BRF1: variants seen among roughly 807,000 people sequenced by gnomAD.
BRF1 encodes transcription factor IIIB 90 kDa subunit.
BRF1 carries 59 observed loss-of-function variants against 81.7 expected under a neutral mutation model. The ratio of observed to expected loss-of-function variants is 0.72; its 90% CI spans 0.59 to 0.90. The LOEUF (loss-of-function observed/expected upper bound fraction) is 0.90. Ranked by LOEUF, BRF1 falls within the 40% of genes least tolerant of loss-of-function variation. The pLI is 0.00. For missense variants in BRF1, 1,050 were observed against 936.3 expected, an observed-to-expected ratio of 1.12 and a Z score of -1.58; for synonymous variants, 491 against 395.6, an observed-to-expected ratio of 1.24 and a Z score of -2.86.
Position 105,300,744 on chromosome 14 carries a change from G to C in BRF1, c.-115C>G. On this transcript the variant is annotated 5_prime_UTR_variant, in exon 1 of 18. Transcript: ENST00000547530. ...CAGCCGCCCAGGCCTCGCCGCTCTCGCGAGGCCCCGCTCCAGCCGATTCGC... is the reference window on the plus strand; with the variant it reads ...CAGCCGCCCAGGCCTCGCCGCTCTCCCGAGGCCCCGCTCCAGCCGATTCGC... The C allele has an allele frequency of 1.2e-6, 1 of 805,014 alleles. No individual in the cohort carries two copies. The highest frequency in any genetic ancestry group is 1.6e-6 in the Non-Finnish European group (1 of 611,916). 49.9% of individuals were successfully genotyped at this position (805,014 alleles called of 1,614,324 possible). A position where few individuals can be genotyped will look rare whatever the true frequency, so the allele number is the denominator to read the frequency against.
intron 1 of BRF1, among the ~76,000 whole-genome samples, chr14:105,291,863 T>C (rs1797270051): frequency 6.6e-6 from 1 of 152,022 alleles, no homozygotes. Flanking sequence ...CCGGGCATGG[T>C]GGCACATGCC....
chr14:105,280,058 C>T (rs1317623119), intron 2 of BRF1, among the ~76,000 whole-genome samples: 1 of 152,224 alleles, frequency 6.6e-6, no homozygotes, highest in African/African-American at 2.4e-5. Flanking sequence ...CATACTCTCA[C>T]CACACCACCC....
At chr14:105,221,384 CCT>C (rs773840875) in intron 11 of BRF1, among the ~76,000 whole-genome samples, 11 of 152,340 alleles carry the variant, frequency 7.2e-5, no homozygotes, top group Admixed American at 2.0e-4. Flanking sequence ...CTCCGTGGCC[CCT>C]GTGACCTGAA....
intron 1 of BRF1, among the ~76,000 whole-genome samples, chr14:105,312,202 C>A (rs1386927946): frequency 6.6e-6 from 1 of 152,228 alleles, no homozygotes; most frequent in African/African-American, 2.4e-5. Context: ...GGTGGAGGGA[C>A]CTAGCGAAGC....
At chr14:105,273,391 C>T (rs587685515) in intron 2 of BRF1, among the ~76,000 whole-genome samples, 45 of 152,358 alleles carry the variant, frequency 3.0e-4, no homozygotes, top group African/African-American at 9.9e-4. Flanking sequence ...AGCCTCTCCT[C>T]TAAGAGCCAG....
rs1323694541 is a variant in BRF1, at chr14:105,252,568, G to A, written c.483C>T (p.Tyr161=). Residue 161 remains tyrosine, a synonymous_variant, in exon 5 of 18, where the codon TAC becomes TAT. Transcript: ENST00000547530. ...DLSDLLQVNV[Y]VLGKTFLLLA... ...AGAGAAGAAACGTCTTTCCAAGCAC[G>A]TACACATTCACCTGAGATGGAGAGA... 6 of 1,613,534 alleles carry A rather than the reference G, an allele frequency of 3.7e-6. No homozygotes were observed. Among genetic ancestry groups the A allele is most frequent in the African/African-American group, 2.7e-5 (2 of 74,912 alleles).
At chr14:105,245,650 T>C (rs2055041413) in intron 5 of BRF1, among the ~76,000 whole-genome samples, 1 of 151,764 alleles carries the variant, frequency 6.6e-6, no homozygotes. Context: ...TCAACAAGGG[T>C]GACAAGAACT....
At chr14:105,248,834 A>C in intron 5 of BRF1, 1 of 987,996 alleles carries the variant, frequency 1.0e-6, no homozygotes, top group Non-Finnish European at 1.2e-6. Flanking sequence ...CGGCGTCCAC[A>C]GGCGCCGAGG....
In BRF1 at chr14:105,241,211, G is replaced by A. The variant is rs587654140; in HGVS notation, c.694+54C>T. The A allele has an allele frequency of 1.4e-5, 22 of 1,594,728 alleles. No homozygotes were observed. The East Asian group carries it at 4.9e-4, about 36-fold the overall frequency. The stretch of plus-strand genomic sequence containing the variant: ...CCACCAGCACTCAGGAGTCAGGAAA[G>A]TGTGAGGCCAGGACCCAGACCAGCA... On this transcript the variant is annotated intron_variant, in intron 6 of 17. Coordinates refer to ENST00000547530, the MANE Select transcript of BRF1 (RefSeq NM_001519.4).
rs1366935299 is a variant in BRF1, at chr14:105,300,471, G to C, written c.159C>G (p.Ala53=). 3.9e-6 allele frequency: 6 copies of C among 1,533,318 alleles called. No individual in the cohort carries two copies. In the South Asian group the frequency reaches 7.2e-5, roughly 19 times the overall value. 95.0% of individuals were successfully genotyped at this position (1,533,318 alleles called of 1,614,324 possible). A position where few individuals can be genotyped will look rare whatever the true frequency, so the allele number is the denominator to read the frequency against. ...FVESSGGGSS[A]VGQFVSLDGA... The stretch of plus-strand genomic sequence containing the variant: ...CGTCCAGGGACACGAACTGGCCCAC[G>C]GCCGAGGAGCCGCCGCCGCTGCTCT... The change falls in exon 1 of 18, where the codon GCC becomes GCG. Residue 53 remains alanine (A), a synonymous_variant. Transcript: ENST00000547530.
rs147002865 is a variant in BRF1, at chr14:105,259,487, A to T, written c.440-2938T>A. ...TGTCCACAAAAAAACTTGTAGAAAA[A>T]TGTTCATAGCAGCTTCATTCAGAAC... On this transcript the variant is annotated intron_variant, in intron 3 of 17. Coordinates refer to ENST00000547530, the MANE Select transcript of BRF1 (RefSeq NM_001519.4). Among the ~76,000 whole-genome samples, 627 of 152,312 alleles carry T rather than the reference A, an allele frequency of 4.1e-3. 3 individuals carry two copies. Among genetic ancestry groups the T allele is most frequent in the African/African-American group, 0.014 (570 of 41,568 alleles).
At chr14:105,290,959 T>C (rs995530361) in intron 1 of BRF1, among the ~76,000 whole-genome samples, 1 of 151,966 alleles carries the variant, frequency 6.6e-6, no homozygotes, top group African/African-American at 2.4e-5. Flanking sequence ...CTCAGAACAC[T>C]AACCCACAGG....
At chr14:105,214,437 T>C (rs1030348797) in intron 15 of BRF1, among the ~76,000 whole-genome samples, 2 of 147,844 alleles carry the variant, frequency 1.4e-5, no homozygotes, top group Non-Finnish European at 3.0e-5. Context: ...CACCCATGCA[T>C]GGCCCACCCC....
intron 3 of BRF1, among the ~76,000 whole-genome samples, chr14:105,262,808 T>C (rs908497447): frequency 2.6e-5 from 4 of 152,132 alleles, no homozygotes; most frequent in Non-Finnish European, 5.9e-5. Context: ...TAAGGTGCAG[T>C]GTCTCAGCTC....
At chr14:105,229,505 C>T (rs587598504) in intron 6 of BRF1, among the ~76,000 whole-genome samples, 2 of 152,182 alleles carry the variant, frequency 1.3e-5, no homozygotes, top group African/African-American at 4.8e-5. Context: ...ACCTGGGGCT[C>T]CAATTCCGGA....
chr14:105,295,519 G>T (rs1380148697), intron 1 of BRF1, among the ~76,000 whole-genome samples: 1 of 151,394 alleles, frequency 6.6e-6, no homozygotes, highest in Non-Finnish European at 1.5e-5. Context: ...GAGCTGGGAG[G>T]GTCACTGGAG....
intron 12 of BRF1, 40 bp from the exon 13 acceptor site, chr14:105,219,272 C>G (rs371081308): frequency 6.2e-7 from 1 of 1,604,302 alleles, no homozygotes; most frequent in South Asian, 1.1e-5. Context: ...TTTTAGCCTT[C>G]GCACACCGGG....
intron 4 of BRF1, among the ~76,000 whole-genome samples, chr14:105,254,074 G>A (rs1329517258): frequency 6.6e-6 from 1 of 152,152 alleles, no homozygotes; most frequent in Non-Finnish European, 1.5e-5. Context: ...AGCCACAGCA[G>A]AACCATGATC....
intron 14 of BRF1, among the ~76,000 whole-genome samples, 175 bp from the exon 15 acceptor site, chr14:105,217,975 G>A (rs1482062431): frequency 2.0e-5 from 3 of 152,194 alleles, no homozygotes; most frequent in African/African-American, 7.2e-5. Context: ...CTCTGGGCCT[G>A]CCCACGTCAA....
Sources: gnomAD v4.1 joint callset for allele counts (sites outside exome capture counted in the v4.1 genomes callset) on GRCh38, gnomAD v4.1.1 for gene constraint, MANE v1.5 for transcripts, NCBI Gene and HGNC (gene_info 2026-07-23, HGNC 2026-07-21) for gene names.